The following CDK8 variants were observed in gnomAD, a reference collection of about 807,000 sequenced individuals.
CDK8 encodes the protein cyclin dependent kinase 8.
In CDK8, 29 loss-of-function variants were observed where a neutral mutation model predicts 71.5. The observed-to-expected ratio is 0.41, with a 90% CI of 0.30 to 0.55. CDK8 has a LOEUF of 0.55. Among genes scored for constraint, CDK8 ranks in the 20% least tolerant of loss-of-function variants. The pLI, the probability that CDK8 is intolerant of heterozygous loss-of-function variation, is 0.37. For missense variants in CDK8, 288 were observed against 572.6 expected (o/e 0.50, Z 5.07); for synonymous variants, 161 against 192.1 (o/e 0.84, Z 1.34).
At chr13:26,361,135 C>T (rs1180680325) in intron 4 of CDK8, among the ~76,000 whole-genome samples, 5 of 152,156 alleles carry the variant, frequency 3.3e-5, no homozygotes, top group African/African-American at 4.8e-5. Flanking sequence ...AAGGTTGGAA[C>T]ATTACTATCA....
chr13:26,351,557 A>G lies in CDK8; in HGVS notation c.316-2183A>G, dbSNP rs143895450. Reference sequence around the variant, plus strand: ...TAAACCACAGTAGAGCATAGAAGATAGTATAATATTTCACTCAATGTGATT... The same window carrying G: ...TAAACCACAGTAGAGCATAGAAGATGGTATAATATTTCACTCAATGTGATT... On this transcript the variant is annotated intron_variant, in intron 3 of 12. Transcript: ENST00000381527. Among the ~76,000 whole-genome samples the G allele has an allele frequency of 2.7e-3, 413 of 152,274 alleles. 4 individuals carry two copies. The highest frequency in any genetic ancestry group is 9.5e-3 in the African/African-American group (395 of 41,558).
rs558704620 is a variant in CDK8 at position 26,402,661 on chromosome 13, G to C, written c.1269+1037G>C. Among the ~76,000 whole-genome samples, 503 of 152,358 alleles carry C rather than the reference G, an allele frequency of 3.3e-3. 4 individuals are homozygous for C. The highest frequency in any genetic ancestry group is 0.011 in the African/African-American group (469 of 41,582). ...TAGCTAAACAAGGACACCAAGGGCAGACAGCTGTGGGAGTTGTTGGTTCCA... is the reference window on the plus strand; with the variant it reads ...TAGCTAAACAAGGACACCAAGGGCACACAGCTGTGGGAGTTGTTGGTTCCA... On this transcript the variant is annotated intron_variant, in intron 12 of 12. Coordinates refer to ENST00000381527, the MANE Select transcript of CDK8 (RefSeq NM_001260.3).
At chr13:26,265,775 G>T (rs189590147) in intron 1 of CDK8, among the ~76,000 whole-genome samples, 1 of 152,218 alleles carries the variant, frequency 6.6e-6, no homozygotes, top group East Asian at 1.9e-4. Context: ...ATCAAATTGG[G>T]GAAGTAAGCA....
Position 26,272,218 on chromosome 13 carries a change from G to T in CDK8, c.128+17449G>T, listed in dbSNP as rs138503833. 5.9e-5 allele frequency among the ~76,000 whole-genome samples: 9 copies of T among 151,976 alleles called. No individual in the cohort carries two copies. The East Asian group carries it at 1.4e-3, about 23-fold the overall frequency. On this transcript the variant is annotated intron_variant, in intron 1 of 12. Coordinates refer to ENST00000381527, the MANE Select transcript of CDK8 (RefSeq NM_001260.3). ...TATTTTTAAAAGTTTTTGGCTGGGC[G>T]TAGTGGGTCACACCTGTAATCCCAA...
chr13:26,289,989 C>T (rs569327868), intron 1 of CDK8, among the ~76,000 whole-genome samples: 1 of 152,202 alleles, frequency 6.6e-6, no homozygotes, highest in African/African-American at 2.4e-5. Flanking sequence ...TACTCTTTTG[C>T]ATTTAGATCA....
chr13:26,367,844 A>G (rs956149583), intron 4 of CDK8, among the ~76,000 whole-genome samples: 4 of 152,332 alleles, frequency 2.6e-5, no homozygotes, highest in East Asian at 3.9e-4. Context: ...ATAAAGCACA[A>G]TTGGCAATTG....
intron 1 of CDK8, among the ~76,000 whole-genome samples, chr13:26,336,993 T>G (rs186398951): frequency 2.4e-4 from 36 of 150,380 alleles, no homozygotes; most frequent in African/African-American, 9.1e-4. Flanking sequence ...CAGAAAACTC[T>G]CTAAAAGAAG....
intron 1 of CDK8, among the ~76,000 whole-genome samples, chr13:26,337,246 A>G (rs1873033372): frequency 6.6e-6 from 1 of 152,176 alleles, no homozygotes; most frequent in Non-Finnish European, 1.5e-5. Flanking sequence ...TTTATTTTAT[A>G]TGTGTGTGTT....
intron 1 of CDK8, among the ~76,000 whole-genome samples, 158 bp from the exon 2 acceptor site, chr13:26,337,409 G>T (rs1873040135): frequency 6.6e-6 from 1 of 152,012 alleles, no homozygotes. Context: ...GACTGGACTA[G>T]GTTGTCTGAA....
In CDK8 at chr13:26,396,351, A is replaced by T. The variant is rs554686083; in HGVS notation, c.857A>T (p.Asn286Ile). 6.9e-7 allele frequency: 1 copy of T among 1,440,976 alleles called. No individual in the cohort carries two copies. The highest frequency in any genetic ancestry group is 1.4e-5 in the African/African-American group (1 of 69,752). The allele number at this position is 1,440,976 out of a possible 1,614,324, so 89.3% of individuals were successfully genotyped here. The stretch of plus-strand genomic sequence containing the variant: ...ACATTAATGAAAGATTTCAGAAGAA[A>T]TACGTAAGTTGGAAAAAAAGAGACT... ...HSTLMKDFRR[N>I]TYTNCSLIKY... Residue 286 changes from asparagine (N) to isoleucine (I), a missense_variant, in exon 8 of 13, where the codon AAT (asparagine) becomes ATT (isoleucine). Physicochemically the swap from Asn to Ile is moderately radical, Grantham distance 149. Around this residue, in one of 6 missense-constraint regions of CDK8, gnomAD observed 96 missense variants for 229.8 expected, o/e 0.42. Transcript: ENST00000381527.
At chr13:26,274,176 C>G (rs1156527666) in intron 1 of CDK8, among the ~76,000 whole-genome samples, 1 of 152,036 alleles carries the variant, frequency 6.6e-6, no homozygotes, top group Non-Finnish European at 1.5e-5. Flanking sequence ...ATATATGAAG[C>G]TAGATTTTCT....
Position 26,320,786 on chromosome 13 carries a change from C to T in CDK8, c.129-16781C>T, listed in dbSNP as rs949547695. On this transcript the variant is annotated intron_variant, in intron 1 of 12. Transcript: ENST00000381527. ...GTACATACAAAGGTACTCAACACCA[C>T]TATTAGGAAAATACAAATCAAAACT... is the stretch of plus-strand genomic sequence containing the variant. Among the ~76,000 whole-genome samples the T allele has an allele frequency of 4.6e-5, 7 of 152,158 alleles. No individual in the cohort carries two copies. In the South Asian group the frequency reaches 8.3e-4, roughly 18 times the overall value.
At chr13:26,376,206 C>CT (rs1359850585) in intron 4 of CDK8, among the ~76,000 whole-genome samples, 1 of 74,414 alleles carries the variant, frequency 1.3e-5, no homozygotes, top group African/African-American at 3.3e-5. Context: ...GCTAGGTTCG[C>CT]TTTTTTAATA....
At chr13:26,349,375 A>G (rs1284813889) in intron 3 of CDK8, among the ~76,000 whole-genome samples, 193 bp downstream of exon 3, 1 of 152,214 alleles carries the variant, frequency 6.6e-6, no homozygotes, top group East Asian at 1.9e-4. Flanking sequence ...TGTCACTTTG[A>G]TCTTTTAACA....
chr13:26,290,299 TTTA>T (rs1316556749), intron 1 of CDK8, among the ~76,000 whole-genome samples: 4 of 152,356 alleles, frequency 2.6e-5, no homozygotes, highest in African/African-American at 4.8e-5. Context: ...TTTTCTTTCA[TTTA>T]TTATTAATTT....
At chr13:26,281,242 T>A (rs9551257) in intron 1 of CDK8, among the ~76,000 whole-genome samples, 4 of 152,070 alleles carry the variant, frequency 2.6e-5, no homozygotes, top group Admixed American at 2.0e-4. Context: ...CTTCACTCCC[T>A]TACCATCTCC....
intron 2 of CDK8, among the ~76,000 whole-genome samples, chr13:26,339,078 T>A (rs1873113398): frequency 6.6e-6 from 1 of 152,118 alleles, no homozygotes; most frequent in Admixed American, 6.5e-5. Context: ...AGCCTACTTT[T>A]AATGTACTTG....
At chr13:26,302,453 G>A (rs116301286) in intron 1 of CDK8, among the ~76,000 whole-genome samples, 86 of 152,284 alleles carry the variant, frequency 5.6e-4, no homozygotes, top group African/African-American at 2.0e-3. Flanking sequence ...TCATTTGGAA[G>A]GGTCTTTTCA....
chr13:26,388,505 G>T (rs1875587339), intron 6 of CDK8, among the ~76,000 whole-genome samples: 2 of 152,080 alleles, frequency 1.3e-5, no homozygotes, highest in African/African-American at 4.8e-5. Flanking sequence ...TTTTGGTAAA[G>T]CATATTAACA....
Sources: gnomAD v4.1 joint callset for allele counts (sites outside exome capture counted in the v4.1 genomes callset) on GRCh38, gnomAD v4.1.1 for gene constraint, gnomAD v4.1.1 regional missense constraint, MANE v1.5 for transcripts, NCBI Gene and HGNC (gene_info 2026-07-23, HGNC 2026-07-21) for gene names.